Variants in CXorf38 observed in about 807,000 individuals in gnomAD.
CXorf38 encodes the protein chromosome X open reading frame 38, also known as uncharacterized protein CXorf38.
CXorf38 carries 13 observed loss-of-function variants against 27.5 expected under a neutral mutation model. The ratio of observed to expected loss-of-function variants is 0.47; its 90% confidence interval spans 0.31 to 0.75. The LOEUF (loss-of-function observed/expected upper bound fraction) is 0.75. Ranked by LOEUF, CXorf38 falls within the 30% of genes least tolerant of loss-of-function variation. The probability of loss-of-function intolerance (pLI) is 0.05; values close to 1 mark genes in which losing one functional copy is unlikely to be tolerated. For synonymous variants in CXorf38, 100 were observed against 99.8 expected (o/e 1.00, Z -0.01); for missense variants, 240 against 253.2 (o/e 0.95, Z 0.35).
rs139185293 is a variant in CXorf38, at chrX:40,635,382, T to C, written c.801+1151A>G. ...AAAGCTGGAATGGTTAATACAGGCA[T>C]AGTTATCTGCAAGGAGCACAGCTCC... On this transcript the variant is annotated intron_variant, in intron 5 of 6. Coordinates refer to ENST00000327877, the MANE Select transcript of CXorf38 (RefSeq NM_144970.3). Among the ~76,000 whole-genome samples, 665 of 113,144 alleles carry C rather than the reference T, an allele frequency of 5.9e-3. 6 individuals carry two copies. Among genetic ancestry groups the C allele is most frequent in the African/African-American group, 0.02 (634 of 31,185 alleles).
Position 40,626,943 on chromosome X carries a change from A to G in CXorf38, c.*3221T>C, listed in dbSNP as rs757043200. On this transcript the variant is annotated 3_prime_UTR_variant, in exon 7 of 7. Transcript: ENST00000327877. ...AGCTTGCAGTTTGAATTTATATTTT[A>G]TTATTTTGAAATACAAAAATTTAAA... The G allele has an allele frequency of 1.8e-5, 2 of 112,289 alleles. No homozygotes were observed. Among genetic ancestry groups the G allele is most frequent in the South Asian group, 7.3e-4 (2 of 2,725 alleles). 9.3% of individuals were successfully genotyped at this position (112,289 alleles called of 1,213,427 possible).
intron 2 of CXorf38, 52 bp from the exon 3 acceptor site, chrX:40,639,180 A>T: frequency 8.9e-7 from 1 of 1,123,348 alleles, no homozygotes; most frequent in Non-Finnish European, 1.2e-6. Flanking sequence ...ACTCTAGGAG[A>T]TGGAAAGGCA....
intron 5 of CXorf38, among the ~76,000 whole-genome samples, chrX:40,632,092 G>C (rs1394258203): frequency 8.9e-6 from 1 of 111,818 alleles, no homozygotes; most frequent in African/African-American, 3.3e-5. Flanking sequence ...CAAGCGTTAG[G>C]AACTGTGGGC....
intron 4 of CXorf38, 21 bp from the exon 5 acceptor site, chrX:40,636,733 T>C (rs190441483): frequency 4.3e-6 from 5 of 1,155,326 alleles, no homozygotes; most frequent in East Asian, 6.1e-5. Context: ...GCCACACAAA[T>C]ATATGAACTG....
intron 5 of CXorf38, among the ~76,000 whole-genome samples, chrX:40,632,051 A>G (rs1235241274): frequency 8.9e-5 from 10 of 111,864 alleles, no homozygotes; most frequent in Non-Finnish European, 1.9e-4. Flanking sequence ...GACATGTGAA[A>G]TGAAGATCAC....
chrX:40,633,487 C>T (rs767879674), intron 5 of CXorf38, among the ~76,000 whole-genome samples: 25 of 111,318 alleles, frequency 2.2e-4, no homozygotes, highest in African/African-American at 8.2e-4. Flanking sequence ...CCTTCTACTG[C>T]CCCACATCAT....
In CXorf38 at chrX:40,628,861, G is replaced by A. The variant is rs1441992354; in HGVS notation, c.*1303C>T. 1 of 110,827 alleles carries A rather than the reference G, an allele frequency of 9.0e-6. No individual in the cohort carries two copies. Among genetic ancestry groups the A allele is most frequent in the Non-Finnish European group, 1.9e-5 (1 of 53,013 alleles). 9.1% of individuals were successfully genotyped at this position (110,827 alleles called of 1,213,427 possible). A position where few individuals can be genotyped will look rare whatever the true frequency, so the allele number is the denominator to read the frequency against. ...CAGCTGCCAAGCGAGAAGCTCCCCTGCTCCTGCCTGACATCCCCGCTTGTA... is the reference window on the plus strand; with the variant it reads ...CAGCTGCCAAGCGAGAAGCTCCCCTACTCCTGCCTGACATCCCCGCTTGTA... On this transcript the variant is annotated 3_prime_UTR_variant, in exon 7 of 7. Transcript: ENST00000327877.
intron 5 of CXorf38, among the ~76,000 whole-genome samples, chrX:40,636,035 C>T (rs1216682263): frequency 8.9e-6 from 1 of 112,933 alleles, no homozygotes; most frequent in Non-Finnish European, 1.9e-5. Context: ...GGCTCCAGCC[C>T]ACTTTACCAT....
intron 2 of CXorf38, among the ~76,000 whole-genome samples, chrX:40,646,293 A>C (rs905990843): frequency 2.9e-4 from 31 of 107,531 alleles, no homozygotes; most frequent in African/African-American, 1.0e-3. Flanking sequence ...CCAGTGTCAC[A>C]CCACGGCAGC....
rs770884742 is a variant in CXorf38 at position 40,637,176 on chromosome X, T to TAA, written c.472-22_472-21dup. On this transcript the variant is annotated intron_variant, in intron 3 of 6. Transcript: ENST00000327877. ...AATTACCTGCAGAAAGACAAAAAGA[T>TAA]AAAAGGCTTCAAAATCAAACAATGG... 57 of 1,095,883 alleles carry TAA rather than the reference T, an allele frequency of 5.2e-5. No homozygotes were observed. The South Asian group carries it at 1.2e-3, about 24-fold the overall frequency. 90.3% of individuals were successfully genotyped at this position (1,095,883 alleles called of 1,213,427 possible). A position where few individuals can be genotyped will look rare whatever the true frequency, so the allele number is the denominator to read the frequency against.
intron 5 of CXorf38, among the ~76,000 whole-genome samples, chrX:40,632,594 TA>T (rs34163857): frequency 0.24 from 25,485 of 106,962 alleles, 2,683 homozygotes; most frequent in Middle Eastern, 0.36. Flanking sequence ...AAGGAGGCTT[TA>T]AAAAAAAAAG....
chrX:40,633,926 G>T (rs1163816946), intron 5 of CXorf38, among the ~76,000 whole-genome samples: 1 of 111,004 alleles, frequency 9.0e-6, no homozygotes, highest in African/African-American at 3.3e-5. Context: ...GAATTCTGGG[G>T]CAGATGAGCC....
At chrX:40,634,468 C>G (rs1010891647) in intron 5 of CXorf38, among the ~76,000 whole-genome samples, 2 of 112,255 alleles carry the variant, frequency 1.8e-5, no homozygotes, top group Non-Finnish European at 3.8e-5. Context: ...TTTCCTGATC[C>G]CGGGATGCAC....
intron 2 of CXorf38, among the ~76,000 whole-genome samples, chrX:40,640,673 C>T (rs761150593): frequency 8.4e-4 from 93 of 111,291 alleles, no homozygotes; most frequent in African/African-American, 2.8e-3. Context: ...TTGGGCCGGG[C>T]GCACACCTAT....
At chrX:40,635,428 C>T (rs1414411690) in intron 5 of CXorf38, among the ~76,000 whole-genome samples, 1 of 112,653 alleles carries the variant, frequency 8.9e-6, no homozygotes, top group Non-Finnish European at 1.9e-5. Context: ...ATTTAATAAA[C>T]TCTCCCTATG....
At chrX:40,632,347 C>T (rs1229245386) in intron 5 of CXorf38, among the ~76,000 whole-genome samples, 2 of 112,145 alleles carry the variant, frequency 1.8e-5, no homozygotes, top group East Asian at 5.6e-4. Context: ...ACTCTCAGGA[C>T]TGATGTGCTC....
chrX:40,640,827 C>A (rs1303525393), intron 2 of CXorf38, among the ~76,000 whole-genome samples: 2 of 107,658 alleles, frequency 1.9e-5, no homozygotes, highest in Admixed American at 2.0e-4. Flanking sequence ...GTAATCCCAG[C>A]TACTTGGGAA....
chrX:40,647,515 C>A lies in CXorf38; in HGVS notation c.6G>T (p.Val2=), dbSNP rs752960806. The A allele has an allele frequency of 1.7e-6, 2 of 1,183,850 alleles. No homozygotes were observed. The highest frequency in any genetic ancestry group is 2.3e-5 in the Admixed American group (1 of 42,913). The change falls in exon 1 of 7, where the codon GTG becomes GTT. Residue 2 remains valine (V), a synonymous_variant. Transcript: ENST00000327877. The stretch of plus-strand genomic sequence containing the variant: ...TGAGGCGCGCCGCTAGCTCCGACAG[C>A]ACCATGTCTCCCACTTGGAACCAGG... The part of the protein sequence containing the change: M[V]LSELAARLNC...
rs186776547 is a variant in CXorf38, at chrX:40,627,957, C to G, written c.*2207G>C. ...GGTATAAAATGGAAGCGTTCATAAC[C>G]CAAAGTTCCTAAAATTAGAAGTCAG... On this transcript the variant is annotated 3_prime_UTR_variant, in exon 7 of 7. Transcript: ENST00000327877. 8.9e-6 allele frequency: 1 copy of G among 112,046 alleles called. No homozygotes were observed. The highest frequency in any genetic ancestry group is 2.8e-4 in the East Asian group (1 of 3,581). The allele number at this position is 112,046 out of a possible 1,213,427, so 9.2% of individuals were successfully genotyped here. A position where few individuals can be genotyped will look rare whatever the true frequency, so the allele number is the denominator to read the frequency against.
Sources: gnomAD v4.1 joint callset for allele counts (sites outside exome capture counted in the v4.1 genomes callset) on GRCh38, gnomAD v4.1.1 for gene constraint, MANE v1.5 for transcripts, NCBI Gene and HGNC (gene_info 2026-07-23, HGNC 2026-07-21) for gene names.